GALNTL6: variants seen among roughly 807,000 people sequenced by gnomAD.
The protein encoded by GALNTL6 is polypeptide N-acetylgalactosaminyltransferase-like 6.
GALNTL6 carries 46 observed loss-of-function variants against 73.7 expected under a neutral mutation model. The ratio of observed to expected loss-of-function variants is 0.62; its 90% CI spans 0.49 to 0.80. GALNTL6 has a LOEUF of 0.80. Among genes scored for constraint, GALNTL6 ranks in the 30% least tolerant of loss-of-function variants. The probability of loss-of-function intolerance (pLI) is 0.00; values close to 1 mark genes in which losing one functional copy is unlikely to be tolerated. For missense variants in GALNTL6, 604 were observed against 755.0 expected, an observed-to-expected ratio of 0.80 and a Z score of 2.34; for synonymous variants, 259 against 263.7, an observed-to-expected ratio of 0.98 and a Z score of 0.17.
chr4:172,356,773 T>C (rs1000077752), intron 5 of GALNTL6, among the ~76,000 whole-genome samples: 2 of 152,188 alleles, frequency 1.3e-5, no homozygotes, highest in African/African-American at 2.4e-5. Flanking sequence ...GATGAAGTCC[T>C]AAGTCACACA....
At chr4:172,147,460 G>A (rs144934606) in intron 2 of GALNTL6, among the ~76,000 whole-genome samples, 436 of 152,280 alleles carry the variant, frequency 2.9e-3, no homozygotes, top group Non-Finnish European at 4.6e-3. Context: ...CGATGTGTGC[G>A]GGTGCACATA....
intron 5 of GALNTL6, among the ~76,000 whole-genome samples, chr4:172,547,172 C>G (rs369034327): frequency 1.1e-4 from 17 of 151,942 alleles, no homozygotes; most frequent in African/African-American, 3.9e-4. Flanking sequence ...TCAGTTGCCT[C>G]AAAGGGGTGG....
At position 172,229,716 on chromosome 4, in the gene GALNTL6, A is replaced by G; in HGVS notation, c.199A>G (p.Lys67Glu). 1.2e-6 allele frequency: 2 copies of G among 1,613,986 alleles called. No homozygotes were observed. Among genetic ancestry groups the G allele is most frequent in the Non-Finnish European group, 1.7e-6 (2 of 1,179,900 alleles). The stretch of plus-strand genomic sequence containing the variant: ...TTCATGGACAGATGGTTTGAGAAGA[A>G]AGGACTGGCATGACTATGAAAGCAT... The part of the protein sequence containing the change: ...FYSWTDGLRR[K>E]DWHDYESIQK... The change falls in exon 3 of 13, where the codon AAG becomes GAG. Residue 67 changes from lysine (K) to glutamate (E), a missense_variant. Physicochemically the swap from Lys to Glu is moderately conservative, Grantham distance 56 (BLOSUM62 1). Transcript: ENST00000506823.
intron 9 of GALNTL6, among the ~76,000 whole-genome samples, chr4:172,936,294 G>T (rs1748615383): frequency 6.6e-6 from 1 of 152,134 alleles, no homozygotes; most frequent in Admixed American, 6.5e-5. Flanking sequence ...AATAATGAGA[G>T]CTATTTATGA....
At chr4:171,898,553 G>A (rs189172617) in intron 2 of GALNTL6, among the ~76,000 whole-genome samples, 112 of 152,100 alleles carry the variant, frequency 7.4e-4, no homozygotes, top group African/African-American at 2.5e-3. Context: ...TAAACAACTT[G>A]TATGAATCAC....
intron 5 of GALNTL6, chr4:172,667,811 A>G (rs1337001179): frequency 6.6e-6 from 1 of 152,252 alleles, no homozygotes. Flanking sequence ...TAATTTTCCA[A>G]GTGCCTGCAG....
At chr4:172,946,682 T>C (rs920810293) in intron 9 of GALNTL6, among the ~76,000 whole-genome samples, 1 of 152,158 alleles carries the variant, frequency 6.6e-6, no homozygotes, top group African/African-American at 2.4e-5. Flanking sequence ...TTGATAAATA[T>C]TTGAGCAACA....
At chr4:172,752,046 T>TAAAAAAAAAAAAAAAAAAAAAA (rs5864166) in intron 5 of GALNTL6, among the ~76,000 whole-genome samples, 1 of 135,020 alleles carries the variant, frequency 7.4e-6, no homozygotes, top group Non-Finnish European at 1.6e-5. Flanking sequence ...AACTTAAACT[T>TAAAAAAAAAAAAAAAAAAAAAA]AAAAAAAAAA....
intron 5 of GALNTL6, among the ~76,000 whole-genome samples, chr4:172,607,224 C>A (rs946021446): frequency 1.3e-5 from 2 of 152,066 alleles, no homozygotes; most frequent in African/African-American, 4.8e-5. Flanking sequence ...GTTTGGTGTA[C>A]AGATTATTTT....
chr4:172,975,464 T>C (rs1750764859), intron 10 of GALNTL6, among the ~76,000 whole-genome samples: 1 of 152,172 alleles, frequency 6.6e-6, no homozygotes, highest in African/African-American at 2.4e-5. Context: ...GATTGGTCCA[T>C]GGGAGGCCAT....
At chr4:172,398,058 T>G (rs192603408) in intron 5 of GALNTL6, among the ~76,000 whole-genome samples, 1 of 152,202 alleles carries the variant, frequency 6.6e-6, no homozygotes, top group South Asian at 2.1e-4. Context: ...TTTTCTGTTT[T>G]ATTTCTAAAG....
At chr4:172,898,419 G>C (rs1199360794) in intron 8 of GALNTL6, among the ~76,000 whole-genome samples, 1 of 147,088 alleles carries the variant, frequency 6.8e-6, no homozygotes, top group Non-Finnish European at 1.5e-5. Context: ...AAGAGCAAAA[G>C]GTTATACTCC....
chr4:171,983,463 A>ATTTT (rs1206075185), intron 2 of GALNTL6, among the ~76,000 whole-genome samples: 4 of 117,258 alleles, frequency 3.4e-5, no homozygotes, highest in Admixed American at 9.2e-5. Context: ...AGGCATCTTG[A>ATTTT]TTTTATTTAT....
rs1435645344 is a variant in GALNTL6 at position 172,068,083 on chromosome 4, A to G, written c.139-161573A>G. On this transcript the variant is annotated intron_variant, in intron 2 of 12. Coordinates refer to ENST00000506823, the MANE Select transcript of GALNTL6 (RefSeq NM_001034845.3). Reference sequence around the variant, plus strand: ...TTTCCTGGACTGTGCTTCTTCCTGGAACTTTTGAAACTACAAAATCTCAGG... The same window carrying G: ...TTTCCTGGACTGTGCTTCTTCCTGGGACTTTTGAAACTACAAAATCTCAGG... Among the ~76,000 whole-genome samples the G allele has an allele frequency of 1.8e-5, 2 of 108,284 alleles. 1 individual carries two copies. Among genetic ancestry groups the G allele is most frequent in the Non-Finnish European group, 4.1e-5 (2 of 48,900 alleles). 71.0% of individuals were successfully genotyped at this position (108,284 alleles called of 152,430 possible).
At position 172,824,041 on chromosome 4, in the gene GALNTL6, G is replaced by A. The variant is rs965109753; in HGVS notation, c.923+10318G>A. 2.6e-5 allele frequency among the ~76,000 whole-genome samples: 4 copies of A among 152,168 alleles called. No homozygotes were observed. The East Asian group carries it at 7.7e-4, about 29-fold the overall frequency. On this transcript the variant is annotated intron_variant, in intron 7 of 12. Coordinates refer to ENST00000506823, the MANE Select transcript of GALNTL6 (RefSeq NM_001034845.3). ...TCGAGAGCAGGGCTGGGAAGGGCCA[G>A]TGGGCTTGTTGGCGAGTATAATCTT...
At chr4:172,087,225 C>T (rs1446909859) in intron 2 of GALNTL6, among the ~76,000 whole-genome samples, 4 of 151,972 alleles carry the variant, frequency 2.6e-5, no homozygotes, top group Non-Finnish European at 5.9e-5. Context: ...AGGCGGCTCA[C>T]GAGGTCAGGA....
chr4:172,546,807 C>CGTATATAT (rs1735781443), intron 5 of GALNTL6, among the ~76,000 whole-genome samples: 2 of 13,640 alleles, frequency 1.5e-4, no homozygotes, highest in African/African-American at 4.5e-4. Context: ...CGTATATATA[C>CGTATATAT]GTATATATAT....
intron 2 of GALNTL6, among the ~76,000 whole-genome samples, chr4:171,961,028 G>T (rs1030359787): frequency 6.6e-6 from 1 of 152,062 alleles, no homozygotes; most frequent in African/African-American, 2.4e-5. Context: ...GATCCAAGAA[G>T]CCACTCTTGA....
At chr4:172,899,410 A>G (rs1746503741) in intron 8 of GALNTL6, among the ~76,000 whole-genome samples, 2 of 152,136 alleles carry the variant, frequency 1.3e-5, no homozygotes, top group African/African-American at 2.4e-5. Context: ...ACGTCAATCT[A>G]AGGCACTTTT....
Sources: gnomAD v4.1 joint callset for allele counts (sites outside exome capture counted in the v4.1 genomes callset) on GRCh38, gnomAD v4.1.1 for gene constraint, MANE v1.5 for transcripts, NCBI Gene and HGNC (gene_info 2026-07-23, HGNC 2026-07-21) for gene names.